IRX3: variants seen among roughly 807,000 people sequenced by gnomAD.
IRX3 encodes iroquois homeobox 3, also known as iroquois-class homeodomain protein IRX-3.
In IRX3, 20 loss-of-function variants were observed where a neutral mutation model predicts 36.4. That is an observed-to-expected ratio of 0.55 (90% CI 0.39 to 0.80). The LOEUF (loss-of-function observed/expected upper bound fraction) is 0.80. Ranked by LOEUF, IRX3 falls within the 30% of genes least tolerant of loss-of-function variation. The pLI, the probability that IRX3 is intolerant of heterozygous loss-of-function variation, is 0.00. For missense variants in IRX3, 718 were observed against 733.2 expected, an observed-to-expected ratio of 0.98 and a Z score of 0.24; for synonymous variants, 404 against 351.6, an observed-to-expected ratio of 1.15 and a Z score of -1.67.
In IRX3 at chr16:54,284,477, G is replaced by A. The variant is rs1428665353; in HGVS notation, c.1384+20C>T. ...CCCGCAGAGCCCGCCCCCGCTCCGC[G>A]CCCAGCGCTCAGCAGTCACCTGTTC... is the stretch of plus-strand genomic sequence containing the variant. On this transcript the variant is annotated intron_variant, in intron 2 of 3. Coordinates refer to ENST00000329734, the MANE Select transcript of IRX3 (RefSeq NM_024336.3). The surrounding 1 kb of genome is among the most constrained non-coding windows in gnomAD (Gnocchi z 4.0). 1 of 1,393,132 alleles carries A rather than the reference G, an allele frequency of 7.2e-7. No homozygotes were observed. Among genetic ancestry groups the A allele is most frequent in the South Asian group, 1.6e-5 (1 of 61,552 alleles). 86.3% of individuals were successfully genotyped at this position (1,393,132 alleles called of 1,614,324 possible).
chr16:54,285,772 G>C lies in IRX3; in HGVS notation c.267+12C>G, dbSNP rs1249004336. ...CGCCAACCCCTCCTTCCCTGGCTCC[G>C]CGGGCTCTTACCAGCTGCGGGAAGA... On this transcript the variant is annotated intron_variant, in intron 1 of 3. Transcript: ENST00000329734. This position sits in a 1 kb window ranked among gnomAD's most constrained non-coding sequence, Gnocchi z 5.7. 5.2e-6 allele frequency: 8 copies of C among 1,531,946 alleles called. No homozygotes were observed. The highest frequency in any genetic ancestry group is 2.1e-4 in the Middle Eastern group (1 of 4,752). The allele number at this position is 1,531,946 out of a possible 1,614,324, so 94.9% of individuals were successfully genotyped here. A position where few individuals can be genotyped will look rare whatever the true frequency, so the allele number is the denominator to read the frequency against.
rs1901336642 is a variant in IRX3 at position 54,286,198 on chromosome 16, A to G, written c.-148T>C. 5 of 1,024,318 alleles carry G rather than the reference A, an allele frequency of 4.9e-6. No homozygotes were observed. Among genetic ancestry groups the G allele is most frequent in the Non-Finnish European group, 5.8e-6 (5 of 855,184 alleles). 63.5% of individuals were successfully genotyped at this position (1,024,318 alleles called of 1,614,324 possible). A position where few individuals can be genotyped will look rare whatever the true frequency, so the allele number is the denominator to read the frequency against. On this transcript the variant is annotated 5_prime_UTR_variant, in exon 1 of 4. Transcript: ENST00000329734. ...GCTGCGCTGTGCTCCGCGTTCGCCT[A>G]TTGATCTGCTCCGCGGCGGCGACGG...
chr16:54,285,089 G>A lies in IRX3; in HGVS notation c.792C>T (p.Thr264=). 6.2e-7 allele frequency: 1 copy of A among 1,613,788 alleles called. No individual in the cohort carries two copies. The highest frequency in any genetic ancestry group is 8.5e-7 in the Non-Finnish European group (1 of 1,179,978). The stretch of plus-strand genomic sequence containing the variant: ...CCCCAGCCAGGGACAGCTCAGGCTC[G>A]GTGGCCGCGCCGTCTAAGTTCTCCA... ...IDLENLDGAA[T]EPELSLAGAA... Residue 264 remains threonine (T), a synonymous_variant, in exon 2 of 4, where the codon ACC becomes ACT. Coordinates refer to ENST00000329734, the MANE Select transcript of IRX3 (RefSeq NM_024336.3). The surrounding 1 kb of genome is among the most constrained non-coding windows in gnomAD (Gnocchi z 5.7).
At position 54,283,363 on chromosome 16, in the gene IRX3, A is replaced by G. The variant is rs73627747; in HGVS notation, c.*323T>C. 2.7e-3 allele frequency: 490 copies of G among 181,930 alleles called. 1 individual carries two copies. The highest frequency in any genetic ancestry group is 0.011 in the African/African-American group (468 of 42,632). 11.3% of individuals were successfully genotyped at this position (181,930 alleles called of 1,614,324 possible). A position where few individuals can be genotyped will look rare whatever the true frequency, so the allele number is the denominator to read the frequency against. ...CCAAAAATAGATACTTTCTCGTACA[A>G]TTTGGTTCACACATATGTACATTTC... On this transcript the variant is annotated 3_prime_UTR_variant, in exon 4 of 4. Transcript: ENST00000329734. This position sits in a 1 kb window ranked among gnomAD's most constrained non-coding sequence, Gnocchi z 4.4.
rs773383338 is a variant in IRX3, at chr16:54,284,692, G to C, written c.1189C>G (p.Leu397Val). The C allele has an allele frequency of 2.4e-4, 342 of 1,421,828 alleles. No homozygotes were observed. Among genetic ancestry groups the C allele is most frequent in the Non-Finnish European group, 2.9e-4 (317 of 1,101,140 alleles). 88.1% of individuals were successfully genotyped at this position (1,421,828 alleles called of 1,614,324 possible). ...PAAAAAAAHR[L>V]VSAPLGKFPA... ...AACTTGCCCAGCGGCGCTGAGACCA[G>C]TCTGTGAGCGGCGGCGGCGGCGGCG... Residue 397 changes from leucine to valine, a missense_variant, in exon 2 of 4, where the codon CTG (leucine) becomes GTG (valine). By Grantham distance (32) the Leu-to-Val change is conservative. This residue lies in a region of IRX3 where 468 missense variants were observed against 462.1 expected (regional missense o/e 1.01). Coordinates refer to ENST00000329734, the MANE Select transcript of IRX3 (RefSeq NM_024336.3). The surrounding 1 kb of genome is among the most constrained non-coding windows in gnomAD (Gnocchi z 4.0).
Position 54,285,007 on chromosome 16 carries a change from C to T in IRX3, c.874G>A (p.Asp292Asn), listed in dbSNP as rs1305841212. The T allele has an allele frequency of 6.2e-7, 1 of 1,613,732 alleles. No homozygotes were observed. Among genetic ancestry groups the T allele is most frequent in the South Asian group, 1.1e-5 (1 of 91,060 alleles). Residue 292 changes from aspartate to asparagine, a missense_variant, in exon 2 of 4, where the codon GAC (aspartate) becomes AAC (asparagine). By Grantham distance (23) the Asp-to-Asn change is conservative. Transcript: ENST00000329734. This position sits in a 1 kb window ranked among gnomAD's most constrained non-coding sequence, Gnocchi z 5.7. The part of the protein sequence containing the change: ...LGPISDSKNS[D>N]SEDSSEGLED... ...AAGCCCTCAGAGCTATCTTCCGAGT[C>T]GCTATTTTTGGAGTCCGAAATGGGT...
chr16:54,284,986 C>T lies in IRX3; in HGVS notation c.895G>A (p.Gly299Ser). The T allele has an allele frequency of 1.2e-6, 2 of 1,613,244 alleles. No homozygotes were observed. The highest frequency in any genetic ancestry group is 1.7e-6 in the Non-Finnish European group (2 of 1,179,880). Residue 299 changes from glycine to serine, a missense_variant, in exon 2 of 4, where the codon GGC (glycine) becomes AGC (serine). This residue lies in a region of IRX3 where 468 missense variants were observed against 462.1 expected (regional missense o/e 1.01). Coordinates refer to ENST00000329734, the MANE Select transcript of IRX3 (RefSeq NM_024336.3). This position sits in a 1 kb window ranked among gnomAD's most constrained non-coding sequence, Gnocchi z 4.0. ...ACCGGTAGTGGCCGGTCCTCTAAGC[C>T]CTCAGAGCTATCTTCCGAGTCGCTA... ...KNSDSEDSSE[G>S]LEDRPLPVLS... is the part of the protein sequence containing the mutation.
chr16:54,285,844 G>T lies in IRX3; in HGVS notation c.207C>A (p.Ala69=). The part of the protein sequence containing the change: ...APYAAAAAAA[A]AQGYGAFLPY... ...GCAGGAAGGCGCCGTAGCCTTGGGC[G>T]GCGGCGGCCGCAGCGGCCGCGGCGT... The change falls in exon 1 of 4, where the codon GCC becomes GCA. Residue 69 remains alanine, a synonymous_variant. Transcript: ENST00000329734. The surrounding 1 kb of genome is among the most constrained non-coding windows in gnomAD (Gnocchi z 5.7). 1 of 1,553,422 alleles carries T rather than the reference G, an allele frequency of 6.4e-7. No individual in the cohort carries two copies. Among genetic ancestry groups the T allele is most frequent in the Non-Finnish European group, 8.7e-7 (1 of 1,153,194 alleles).
chr16:54,284,720 C>G lies in IRX3; in HGVS notation c.1161G>C (p.Pro387=), dbSNP rs1268952557. ...AVAPSALQLS[P]AAAAAAAHRL... ...TGTGAGCGGCGGCGGCGGCGGCGGCCGGAGAGAGCTGCAGGGCGGAAGGCG... is the reference window on the plus strand; with the variant it reads ...TGTGAGCGGCGGCGGCGGCGGCGGCGGGAGAGAGCTGCAGGGCGGAAGGCG... The change falls in exon 2 of 4, where the codon CCG becomes CCC. Residue 387 remains proline (P), a synonymous_variant. Transcript: ENST00000329734. The surrounding 1 kb of genome is among the most constrained non-coding windows in gnomAD (Gnocchi z 4.0). 6.3e-6 allele frequency: 9 copies of G among 1,433,248 alleles called. No individual in the cohort carries two copies. In the Admixed American group the frequency reaches 9.3e-5, roughly 15 times the overall value. The allele number at this position is 1,433,248 out of a possible 1,614,324, so 88.8% of individuals were successfully genotyped here.
At position 54,286,052 on chromosome 16, in the gene IRX3, G is replaced by A. The variant is rs1447893265; in HGVS notation, c.-2C>T. 7 of 1,277,788 alleles carry A rather than the reference G, an allele frequency of 5.5e-6. No homozygotes were observed. Among genetic ancestry groups the A allele is most frequent in the Non-Finnish European group, 6.9e-6 (7 of 1,009,882 alleles). The allele number at this position is 1,277,788 out of a possible 1,614,324, so 79.2% of individuals were successfully genotyped here. A position where few individuals can be genotyped will look rare whatever the true frequency, so the allele number is the denominator to read the frequency against. On this transcript the variant is annotated 5_prime_UTR_variant, in exon 1 of 4. Coordinates refer to ENST00000329734, the MANE Select transcript of IRX3 (RefSeq NM_024336.3). The stretch of plus-strand genomic sequence containing the variant: ...GTATCCCAGCTGGGGGAAGGACATG[G>A]TGGCCCGCGGGGCACGGACGGAGAG...
At position 54,285,174 on chromosome 16, in the gene IRX3, T is replaced by C; in HGVS notation, c.707A>G (p.Glu236Gly). 3 of 1,596,158 alleles carry C rather than the reference T, an allele frequency of 1.9e-6. No individual in the cohort carries two copies. Among genetic ancestry groups the C allele is most frequent in the Non-Finnish European group, 2.6e-6 (3 of 1,171,334 alleles). The stretch of plus-strand genomic sequence containing the variant: ...GCCCTCGCCCCCCGTGTCCTCCTCC[T>C]CCCCCCCGAGCTCCTCCTCCTCCAG... ...LELEEEELGG[E>G]EEDTGGEGLA... The change falls in exon 2 of 4, where the codon GAG becomes GGG. Residue 236 changes from glutamate (E) to glycine (G), a missense_variant. Glu to Gly is a moderately conservative substitution (Grantham distance 98). Coordinates refer to ENST00000329734, the MANE Select transcript of IRX3 (RefSeq NM_024336.3). This position sits in a 1 kb window ranked among gnomAD's most constrained non-coding sequence, Gnocchi z 5.7.
chr16:54,285,459 G>A lies in IRX3; in HGVS notation c.422C>T (p.Thr141Met), dbSNP rs556427571. The A allele has an allele frequency of 6.8e-6, 11 of 1,614,186 alleles. No homozygotes were observed. In the South Asian group the frequency reaches 7.7e-5, roughly 11 times the overall value. The change falls in exon 2 of 4, where the codon ACG becomes ATG. Residue 141 changes from threonine to methionine, a missense_variant. Coordinates refer to ENST00000329734, the MANE Select transcript of IRX3 (RefSeq NM_024336.3). This position sits in a 1 kb window ranked among gnomAD's most constrained non-coding sequence, Gnocchi z 5.7. The stretch of plus-strand genomic sequence containing the variant: ...GTGCTCGTTGAGCCAGGCCTTCAGC[G>A]TGCTGGTGCTCTCCCTGGTGGCGTT... ...PKNATRESTSTLKAWLNEHRK... is the reference protein window; with the variant it reads ...PKNATRESTSMLKAWLNEHRK...
At position 54,284,555 on chromosome 16, in the gene IRX3, C is replaced by G; in HGVS notation, c.1326G>C (p.Ala442=). Residue 442 remains alanine (A), a synonymous_variant, in exon 2 of 4, where the codon GCG becomes GCC. Coordinates refer to ENST00000329734, the MANE Select transcript of IRX3 (RefSeq NM_024336.3). The surrounding 1 kb of genome is among the most constrained non-coding windows in gnomAD (Gnocchi z 4.0). ...PPHLLGLPGA[A]GHPAAAAAFA... ...AGGCGGCGGCGGCAGCCGGGTGGCC[C>G]GCGGCTCCGGGAAGTCCCAGCAGGT... The G allele has an allele frequency of 2.1e-6, 3 of 1,418,156 alleles. No homozygotes were observed. Among genetic ancestry groups the G allele is most frequent in the South Asian group, 1.5e-5 (1 of 65,590 alleles). The allele number at this position is 1,418,156 out of a possible 1,614,324, so 87.8% of individuals were successfully genotyped here.
At position 54,286,056 on chromosome 16, in the gene IRX3, C is replaced by A. The variant is rs1254924347; in HGVS notation, c.-6G>T. The A allele has an allele frequency of 6.3e-6, 8 of 1,273,000 alleles. No homozygotes were observed. The highest frequency in any genetic ancestry group is 4.4e-5 in the Admixed American group (1 of 22,968). 78.9% of individuals were successfully genotyped at this position (1,273,000 alleles called of 1,614,324 possible). A position where few individuals can be genotyped will look rare whatever the true frequency, so the allele number is the denominator to read the frequency against. On this transcript the variant is annotated 5_prime_UTR_variant, in exon 1 of 4. Transcript: ENST00000329734. ...CCCAGCTGGGGGAAGGACATGGTGG[C>A]CCGCGGGGCACGGACGGAGAGGGGG...
At position 54,286,307 on chromosome 16, in the gene IRX3, T is replaced by G; in HGVS notation, c.-257A>C. On this transcript the variant is annotated 5_prime_UTR_variant, in exon 1 of 4. The change abolishes an upstream ATG in the 5' untranslated region. Transcript: ENST00000329734. ...CCGGGGCTCCGGGCTCTGATTGACA[T>G]TTCTACGGGGCGCAAGCCCCTCCTC... The G allele has an allele frequency of 1.0e-6, 1 of 993,896 alleles. No homozygotes were observed. 61.6% of individuals were successfully genotyped at this position (993,896 alleles called of 1,614,324 possible). A position where few individuals can be genotyped will look rare whatever the true frequency, so the allele number is the denominator to read the frequency against.
At position 54,285,666 on chromosome 16, in the gene IRX3, C is replaced by T; in HGVS notation, c.268-53G>A. On this transcript the variant is annotated intron_variant, in intron 1 of 3. Coordinates refer to ENST00000329734, the MANE Select transcript of IRX3 (RefSeq NM_024336.3). This position sits in a 1 kb window ranked among gnomAD's most constrained non-coding sequence, Gnocchi z 5.7. ...ACGCGCGGAGGGAGCGCGAGTGAGCCCCAGCCATCGCTGCCTCCCCCCTCC... is the reference window on the plus strand; with the variant it reads ...ACGCGCGGAGGGAGCGCGAGTGAGCTCCAGCCATCGCTGCCTCCCCCCTCC... The T allele has an allele frequency of 1.4e-6, 2 of 1,463,760 alleles. No individual in the cohort carries two copies. Among genetic ancestry groups the T allele is most frequent in the South Asian group, 1.4e-5 (1 of 70,592 alleles). The allele number at this position is 1,463,760 out of a possible 1,614,324, so 90.7% of individuals were successfully genotyped here.
In IRX3 at chr16:54,285,581, C is replaced by G; in HGVS notation, c.300G>C (p.Gly100=). 1 of 1,570,108 alleles carries G rather than the reference C, an allele frequency of 6.4e-7. No homozygotes were observed. Among genetic ancestry groups the G allele is most frequent in the Non-Finnish European group, 8.6e-7 (1 of 1,157,838 alleles). Residue 100 remains glycine (G), a synonymous_variant, in exon 2 of 4, where the codon GGG becomes GGC. Transcript: ENST00000329734. This position sits in a 1 kb window ranked among gnomAD's most constrained non-coding sequence, Gnocchi z 5.7. ...GAQYELKDSP[G]VQHPAAAAAF... is the part of the protein sequence containing the mutation. ...CGGCAGCCGCGGCCGGATGCTGCAC[C>G]CCGGGGCTGTCCTTCAGCTCATACT...
At position 54,285,094 on chromosome 16, in the gene IRX3, C is replaced by A; in HGVS notation, c.787G>T (p.Ala263Ser). 6.2e-7 allele frequency: 1 copy of A among 1,613,720 alleles called. No homozygotes were observed. Among genetic ancestry groups the A allele is most frequent in the Non-Finnish European group, 8.5e-7 (1 of 1,179,960 alleles). ...EIDLENLDGA[A>S]TEPELSLAGA... ...GCCAGGGACAGCTCAGGCTCGGTGG[C>A]CGCGCCGTCTAAGTTCTCCAAATCG... Residue 263 changes from alanine (A) to serine (S), a missense_variant, in exon 2 of 4, where the codon GCC (alanine) becomes TCC (serine). Physicochemically the swap from Ala to Ser is moderately conservative, Grantham distance 99. Around this residue, in one of 3 missense-constraint regions of IRX3, gnomAD observed 468 missense variants for 462.1 expected, o/e 1.01. Transcript: ENST00000329734. This position sits in a 1 kb window ranked among gnomAD's most constrained non-coding sequence, Gnocchi z 5.7.
rs771402262 is a variant in IRX3, at chr16:54,285,133, C to G, written c.748G>C (p.Glu250Gln). The G allele has an allele frequency of 3.7e-6, 6 of 1,612,580 alleles. No homozygotes were observed. Among genetic ancestry groups the G allele is most frequent in the African/African-American group, 1.3e-5 (1 of 74,990 alleles). The change falls in exon 2 of 4, where the codon GAG becomes CAG. Residue 250 changes from glutamate to glutamine, a missense_variant. Coordinates refer to ENST00000329734, the MANE Select transcript of IRX3 (RefSeq NM_024336.3). The surrounding 1 kb of genome is among the most constrained non-coding windows in gnomAD (Gnocchi z 5.7). ...TTCTCCAAATCGATCTCCTCGTCCT[C>G]GTCGTCGTCAGCCAGGCCCTCGCCC... is the stretch of plus-strand genomic sequence containing the variant. ...TGGEGLADDD[E>Q]DEEIDLENLD...
Sources: allele counts gnomAD v4.1 joint callset, GRCh38; gene constraint gnomAD v4.1.1; regional missense constraint gnomAD v4.1.1; non-coding constraint Gnocchi (gnomAD v3.1); transcripts MANE v1.5; gene names NCBI Gene and HGNC (gene_info 2026-07-23, HGNC 2026-07-21).